Variants in ITGA5 observed in about 807,000 individuals in gnomAD.
ITGA5 encodes the protein integrin subunit alpha 5, also known as integrin alpha-5.
A neutral mutation model predicts 146.3 loss-of-function variants in ITGA5; 55 were observed. That is an observed-to-expected ratio of 0.38 (90% CI 0.30 to 0.47). The LOEUF (loss-of-function observed/expected upper bound fraction) is 0.47. ITGA5 is among the 20% of genes least tolerant of loss of function. ITGA5 has a pLI of 0.99. For synonymous variants in ITGA5, 500 were observed against 531.8 expected (o/e 0.94, Z 0.82); for missense variants, 1,131 against 1,329.0 (o/e 0.85, Z 2.32).
Position 54,401,685 on chromosome 12 carries a change from CTG to C in ITGA5, c.2307-22_2307-21del, listed in dbSNP as rs776647554. 1.4e-5 allele frequency: 23 copies of C among 1,613,924 alleles called. No homozygotes were observed. Among genetic ancestry groups the C allele is most frequent in the Non-Finnish European group, 1.9e-5 (23 of 1,179,808 alleles). On this transcript the variant is annotated intron_variant, in intron 22 of 29. Transcript: ENST00000293379. This position sits in a 1 kb window ranked among gnomAD's most constrained non-coding sequence, Gnocchi z 5.0. ...TTCTTGCTGTGGGATGGAGGCAAGA[CTG>C]AGGTGCTGGAGTGCAGCCAGTGAGA...
chr12:54,409,793 AC>A lies in ITGA5; in HGVS notation c.350-197del, dbSNP rs2120541308. The A allele has an allele frequency of 1.8e-6, 1 of 570,130 alleles. No individual in the cohort carries two copies. The highest frequency in any genetic ancestry group is 2.0e-5 in the South Asian group (1 of 49,436). 35.3% of individuals were successfully genotyped at this position (570,130 alleles called of 1,614,324 possible). Reference sequence around the variant, plus strand: ...TTTGTGTAGCCTGACTTATCTCTCCACTACACACATACACATACACACACAC... The same window carrying A: ...TTTGTGTAGCCTGACTTATCTCTCCATACACACATACACATACACACACAC... On this transcript the variant is annotated intron_variant, in intron 2 of 29. Transcript: ENST00000293379. This position sits in a 1 kb window ranked among gnomAD's most constrained non-coding sequence, Gnocchi z 4.7.
chr12:54,409,067 G>T lies in ITGA5; in HGVS notation c.584-113C>A. On this transcript the variant is annotated intron_variant, in intron 4 of 29. Transcript: ENST00000293379. This position sits in a 1 kb window ranked among gnomAD's most constrained non-coding sequence, Gnocchi z 4.7. ...GAGAACCAGAGAAAGGGCCTTCCTG[G>T]ACCAGACAGTAAGCATAAAGGCTAA... 2 of 1,400,116 alleles carry T rather than the reference G, an allele frequency of 1.4e-6. No individual in the cohort carries two copies. The highest frequency in any genetic ancestry group is 2.0e-6 in the Non-Finnish European group (2 of 1,002,250). 86.7% of individuals were successfully genotyped at this position (1,400,116 alleles called of 1,614,324 possible).
chr12:54,400,133 T>G, intron 25 of ITGA5, 186 bp from the exon 26 acceptor site: 1 of 587,468 alleles, frequency 1.7e-6, no homozygotes, highest in East Asian at 2.8e-5. Flanking sequence ...GAAAACTTGG[T>G]TCTTGGAGAT....
chr12:54,403,667 A>G lies in ITGA5; in HGVS notation c.1734T>C (p.Asn578=). 1 of 1,614,032 alleles carries G rather than the reference A, an allele frequency of 6.2e-7. No homozygotes were observed. ...TCTCTCTGCAATCCTCTCGAGCCCC[A>G]TTCTGGATGAGCAGGGTCTGGGTCA... ...ATLTQTLLIQ[N]GAREDCREMK... Residue 578 remains asparagine, a synonymous_variant, in exon 17 of 30, where the codon AAT becomes AAC. Coordinates refer to ENST00000293379, the MANE Select transcript of ITGA5 (RefSeq NM_002205.5). This position sits in a 1 kb window ranked among gnomAD's most constrained non-coding sequence, Gnocchi z 4.9.
At chr12:54,397,881 T>C (rs1686240540) in intron 28 of ITGA5, among the ~76,000 whole-genome samples, 1 of 152,026 alleles carries the variant, frequency 6.6e-6, no homozygotes, top group Non-Finnish European at 1.5e-5. Flanking sequence ...TCTCTTACTT[T>C]CGGGCTTTCA....
chr12:54,408,133 G>C lies in ITGA5; in HGVS notation c.794C>G (p.Ser265Cys). Reference protein sequence around the residue: ...QGQLQTRQASSIYDDSYLGYS... With the variant: ...QGQLQTRQASCIYDDSYLGYS... ...ACCTAGGTAGCTGTCATCATAGATG[G>C]AACTGGCCTGGCGAGTCTGCAGCTG... Residue 265 changes from serine (S) to cysteine (C), a missense_variant, in exon 7 of 30, where the codon TCC becomes TGC. Physicochemically the swap from Ser to Cys is moderately radical, Grantham distance 112. Coordinates refer to ENST00000293379, the MANE Select transcript of ITGA5 (RefSeq NM_002205.5). The C allele has an allele frequency of 6.2e-7, 1 of 1,614,188 alleles. No homozygotes were observed. Among genetic ancestry groups the C allele is most frequent in the Non-Finnish European group, 8.5e-7 (1 of 1,180,042 alleles).
At chr12:54,418,006 G>C (rs755959584) in intron 1 of ITGA5, among the ~76,000 whole-genome samples, 26 of 152,246 alleles carry the variant, frequency 1.7e-4, no homozygotes, top group Non-Finnish European at 2.8e-4. Context: ...TGCTGAGTTG[G>C]GAATAAGGAT....
At position 54,404,133 on chromosome 12, in the gene ITGA5, G is replaced by A; in HGVS notation, c.1565+12C>T. ...GGCTCAGGTCTCTGCAATTTCCTGG[G>A]CACCAGCTCACCAGGCCACAGGGTT... On this transcript the variant is annotated intron_variant, in intron 15 of 29. Coordinates refer to ENST00000293379, the MANE Select transcript of ITGA5 (RefSeq NM_002205.5). The A allele has an allele frequency of 6.3e-7, 1 of 1,575,084 alleles. No individual in the cohort carries two copies. The highest frequency in any genetic ancestry group is 1.2e-5 in the South Asian group (1 of 85,012).
Position 54,403,622 on chromosome 12 carries a change from T to C in ITGA5, c.1776+3A>G. On this transcript the variant is annotated splice_donor_region_variant and intron_variant, in intron 17 of 29. Coordinates refer to ENST00000293379, the MANE Select transcript of ITGA5 (RefSeq NM_002205.5). This position sits in a 1 kb window ranked among gnomAD's most constrained non-coding sequence, Gnocchi z 4.9. ...AGTCCACACCCCGCCCTCTGGGCCATACCCTGAGGTAGATCTTCATCTCTC... is the reference window on the plus strand; with the variant it reads ...AGTCCACACCCCGCCCTCTGGGCCACACCCTGAGGTAGATCTTCATCTCTC... 6.2e-7 allele frequency: 1 copy of C among 1,613,086 alleles called. No individual in the cohort carries two copies. The highest frequency in any genetic ancestry group is 1.1e-5 in the South Asian group (1 of 91,032).
Position 54,409,521 on chromosome 12 carries a change from G to A in ITGA5, c.426C>T (p.Phe142=). 7 of 1,613,970 alleles carry A rather than the reference G, an allele frequency of 4.3e-6. No homozygotes were observed. The highest frequency in any genetic ancestry group is 1.1e-5 in the South Asian group (1 of 91,056). The change falls in exon 3 of 30, where the codon TTC becomes TTT. Residue 142 remains phenylalanine (F), a synonymous_variant. Transcript: ENST00000293379. This position sits in a 1 kb window ranked among gnomAD's most constrained non-coding sequence, Gnocchi z 4.7. The part of the protein sequence containing the change: ...EPVEYKSLQW[F]GATVRAHGSS... ...AGCCATGGGCTCGAACTGTTGCCCC[G>A]AACCACTGCAAGGACTTGTACTCCA...
At chr12:54,417,957 A>T (rs1484778307) in intron 1 of ITGA5, among the ~76,000 whole-genome samples, 1 of 151,722 alleles carries the variant, frequency 6.6e-6, no homozygotes. Flanking sequence ...TCAGTACCCC[A>T]TTTTCTAGGC....
rs1330864281 is a variant in ITGA5 at position 54,408,227 on chromosome 12, G to A, written c.700C>T (p.Leu234=). The A allele has an allele frequency of 3.1e-6, 5 of 1,614,138 alleles. No homozygotes were observed. Among genetic ancestry groups the A allele is most frequent in the Non-Finnish European group, 4.2e-6 (5 of 1,180,030 alleles). ...GCAATCTGCTCCTGAGTGGCAGACA[G>A]GATCTGGCCTGGAGAGAGTATGAAG... is the stretch of plus-strand genomic sequence containing the variant. ...PGSYFWQGQI[L]SATQEQIAES... Residue 234 remains leucine, a synonymous_variant, in exon 7 of 30, where the codon CTG becomes TTG. Coordinates refer to ENST00000293379, the MANE Select transcript of ITGA5 (RefSeq NM_002205.5).
Position 54,419,009 on chromosome 12 carries a change from C to G in ITGA5, c.190G>C (p.Val64Leu). The change falls in exon 1 of 30, where the codon GTG (valine) becomes CTG (leucine). Residue 64 changes from valine (V) to leucine (L), a missense_variant. This residue lies in a region of ITGA5 where 175 missense variants were observed against 179.3 expected (regional missense o/e 0.98). Coordinates refer to ENST00000293379, the MANE Select transcript of ITGA5 (RefSeq NM_002205.5). ...TCTGTTCCCGGCCGGTAAAACTCCA[C>G]TGAGAATCCGAAGAAGGAGCCCGGG... ...GPPGSFFGFSVEFYRPGTDGV... is the reference protein window; with the variant it reads ...GPPGSFFGFSLEFYRPGTDGV... 6.2e-7 allele frequency: 1 copy of G among 1,607,976 alleles called. No individual in the cohort carries two copies.
Position 54,405,217 on chromosome 12 carries a change from A to G in ITGA5, c.1174T>C (p.Phe392Leu). Reference sequence around the variant, plus strand: ...CCCAGGGGGGTCAAGGAGCTGCCAAATCGGCCAAACTCATCATGGCCAGTG... The same window carrying G: ...CCCAGGGGGGTCAAGGAGCTGCCAAGTCGGCCAAACTCATCATGGCCAGTG... ...TLTGHDEFGR[F>L]GSSLTPLGDL... The change falls in exon 12 of 30, where the codon TTT becomes CTT. Residue 392 changes from phenylalanine (F) to leucine (L), a missense_variant. Around this residue, in one of 3 missense-constraint regions of ITGA5, gnomAD observed 889 missense variants for 1,021.5 expected, o/e 0.87. Transcript: ENST00000293379. 6.2e-7 allele frequency: 1 copy of G among 1,612,610 alleles called. No homozygotes were observed. The highest frequency in any genetic ancestry group is 8.5e-7 in the Non-Finnish European group (1 of 1,178,946).
At chr12:54,399,304 G>C (rs1302306777) in intron 27 of ITGA5, among the ~76,000 whole-genome samples, 1 of 152,220 alleles carries the variant, frequency 6.6e-6, no homozygotes, top group East Asian at 1.9e-4. Flanking sequence ...CCTGCAGTGT[G>C]TGCTCAAGAA....
chr12:54,403,906 C>T lies in ITGA5; in HGVS notation c.1621+5G>A. 6.2e-7 allele frequency: 1 copy of T among 1,614,092 alleles called. No individual in the cohort carries two copies. On this transcript the variant is annotated splice_donor_5th_base_variant and intron_variant, in intron 16 of 29. Transcript: ENST00000293379. This position sits in a 1 kb window ranked among gnomAD's most constrained non-coding sequence, Gnocchi z 4.9. The stretch of plus-strand genomic sequence containing the variant: ...GGCCTGAGAGATCCAGGCAGTCTCC[C>T]TCACCAATGGAGTCAGCAACGTGTT...
At chr12:54,402,414 A>G in intron 19 of ITGA5, 84 bp from the exon 20 acceptor site, 3 of 1,339,210 alleles carry the variant, frequency 2.2e-6, no homozygotes, top group Non-Finnish European at 2.1e-6. Flanking sequence ...TAGTAATACG[A>G]GGCCGGGTGT....
At position 54,398,294 on chromosome 12, in the gene ITGA5, C is replaced by T. The variant is rs78133553; in HGVS notation, c.2943+303G>A. 6.1e-3 allele frequency among the ~76,000 whole-genome samples: 926 copies of T among 152,292 alleles called. 12 individuals carry two copies. Among genetic ancestry groups the T allele is most frequent in the African/African-American group, 0.021 (886 of 41,554 alleles). On this transcript the variant is annotated intron_variant, in intron 28 of 29. Coordinates refer to ENST00000293379, the MANE Select transcript of ITGA5 (RefSeq NM_002205.5). ...TCTTCAGGTCTCAGCTTGAACATCA[C>T]TTCTTCCAGGAAGCCTTCCCTGACC... is the stretch of plus-strand genomic sequence containing the variant.
In ITGA5 at chr12:54,409,859, GCTTT is replaced by G. The variant is rs534126534; in HGVS notation, c.350-266_350-263del. On this transcript the variant is annotated intron_variant, in intron 2 of 29. Transcript: ENST00000293379. The surrounding 1 kb of genome is among the most constrained non-coding windows in gnomAD (Gnocchi z 4.7). Reference sequence around the variant, plus strand: ...GCACGCACACGCACACAGAACCTGGGCTTTCTTTTTTTTTTGAGATGGAGTCTCA... The same window carrying G: ...GCACGCACACGCACACAGAACCTGGGCTTTTTTTTTTGAGATGGAGTCTCA... The G allele has an allele frequency of 2.6e-4, 87 of 331,984 alleles. No individual in the cohort carries two copies. The highest frequency in any genetic ancestry group is 4.5e-4 in the Non-Finnish European group (81 of 179,622). 20.6% of individuals were successfully genotyped at this position (331,984 alleles called of 1,614,324 possible). A position where few individuals can be genotyped will look rare whatever the true frequency, so the allele number is the denominator to read the frequency against.
Sources: gnomAD v4.1 joint callset for allele counts (sites outside exome capture counted in the v4.1 genomes callset) on GRCh38, gnomAD v4.1.1 for gene constraint, gnomAD v4.1.1 regional missense constraint, Gnocchi (gnomAD v3.1) non-coding constraint, MANE v1.5 for transcripts, NCBI Gene and HGNC (gene_info 2026-07-23, HGNC 2026-07-21) for gene names.